SEC24A: variants seen among roughly 807,000 people sequenced by gnomAD.
The protein encoded by SEC24A is protein transport protein Sec24A.
SEC24A carries 93 observed loss-of-function variants against 129.4 expected under a neutral mutation model. That is an observed-to-expected ratio of 0.72 (90% confidence interval 0.61 to 0.85). The LOEUF is 0.85. Among genes scored for constraint, SEC24A ranks in the 40% least tolerant of loss-of-function variants. The pLI, the probability that SEC24A is intolerant of heterozygous loss-of-function variation, is 0.00. For synonymous variants in SEC24A, 460 were observed against 467.3 expected (o/e 0.98, Z 0.20); for missense variants, 1,264 against 1,307.4 (o/e 0.97, Z 0.51).
rs933380150 is a variant in SEC24A at position 134,727,613 on chromosome 5, A to G, written c.*2519A>G. On this transcript the variant is annotated 3_prime_UTR_variant, in exon 23 of 23. Coordinates refer to ENST00000398844, the MANE Select transcript of SEC24A (RefSeq NM_021982.3). ...ATGTGATTTCAAAATTTTGTTAACT[A>G]TTACAAATGTAATCCTTATATAGAA... 2 of 152,616 alleles carry G rather than the reference A, an allele frequency of 1.3e-5. No individual in the cohort carries two copies. The highest frequency in any genetic ancestry group is 6.6e-5 in the Admixed American group (1 of 15,262). 9.5% of individuals were successfully genotyped at this position (152,616 alleles called of 1,614,324 possible). A position where few individuals can be genotyped will look rare whatever the true frequency, so the allele number is the denominator to read the frequency against.
chr5:134,691,326 G>A (rs1468262180), intron 11 of SEC24A, among the ~76,000 whole-genome samples: 8 of 142,482 alleles, frequency 5.6e-5, no homozygotes, highest in Admixed American at 1.4e-4. Context: ...TGCCCACCAC[G>A]CCTGGCTACT....
intron 18 of SEC24A, among the ~76,000 whole-genome samples, chr5:134,711,323 A>G (rs2150109215): frequency 6.6e-6 from 1 of 152,172 alleles, no homozygotes; most frequent in Admixed American, 6.5e-5. Context: ...TTTTTTAATT[A>G]AAAAAGAAAC....
intron 7 of SEC24A, among the ~76,000 whole-genome samples, chr5:134,677,663 C>T (rs952524510): frequency 6.6e-6 from 1 of 151,628 alleles, no homozygotes; most frequent in Non-Finnish European, 1.5e-5. Flanking sequence ...CGTGGTGAAA[C>T]TCGTCTCTAC....
At chr5:134,656,377 G>T (rs541995400) in intron 1 of SEC24A, among the ~76,000 whole-genome samples, 1 of 151,264 alleles carries the variant, frequency 6.6e-6, no homozygotes, top group African/African-American at 2.4e-5. Context: ...CGCGCCCAGC[G>T]CAGATAAATA....
In SEC24A at chr5:134,648,999, C is replaced by T; in HGVS notation, c.-78C>T. On this transcript the variant is annotated 5_prime_UTR_variant, in exon 1 of 23. Transcript: ENST00000398844. ...TCTTAAGTCGTTAGCCTCCTCCCTC[C>T]GCTTTCAGCAGTGGTCTTTCAGCTC... 9.4e-7 allele frequency: 1 copy of T among 1,059,524 alleles called. No homozygotes were observed. The highest frequency in any genetic ancestry group is 1.4e-6 in the Non-Finnish European group (1 of 710,954). 65.6% of individuals were successfully genotyped at this position (1,059,524 alleles called of 1,614,324 possible). A position where few individuals can be genotyped will look rare whatever the true frequency, so the allele number is the denominator to read the frequency against.
chr5:134,689,982 T>C (rs1187668605), intron 11 of SEC24A, among the ~76,000 whole-genome samples: 1 of 142,358 alleles, frequency 7.0e-6, no homozygotes, highest in Admixed American at 7.1e-5. Context: ...TACCAGGGGC[T>C]GGGGGGGGAG....
intron 1 of SEC24A, among the ~76,000 whole-genome samples, chr5:134,658,608 T>C (rs544152015): frequency 3.3e-5 from 5 of 152,224 alleles, no homozygotes; most frequent in Non-Finnish European, 7.4e-5. Context: ...GGAGTCTCGC[T>C]GTGTTGCCCA....
chr5:134,676,113 CAA>C lies in SEC24A; in HGVS notation c.1244_1245del (p.Lys415ArgfsTer31). Reference sequence around the variant, plus strand: ...CTTTGGGGCTGCTGCTTCATCCTTTCAAAGACTTAGTGGTATGTTTCTTTTCT... The same window carrying C: ...CTTTGGGGCTGCTGCTTCATCCTTTCAGACTTAGTGGTATGTTTCTTTTCT... Reference protein sequence around the residue: ...LPLGLLLHPFKDLVQLPVVTS... With the variant: ...LPLGLLLHPFXDLVQLPVVTS... On this transcript the variant is annotated frameshift_variant, in exon 7 of 23. Coordinates refer to ENST00000398844, the MANE Select transcript of SEC24A (RefSeq NM_021982.3). LOFTEE classifies it high-confidence loss of function. 1 of 1,606,494 alleles carries C rather than the reference CAA, an allele frequency of 6.2e-7. No homozygotes were observed. The highest frequency in any genetic ancestry group is 8.5e-7 in the Non-Finnish European group (1 of 1,175,852).
At chr5:134,679,944 C>A (rs751137263) in intron 8 of SEC24A, among the ~76,000 whole-genome samples, 15 of 151,846 alleles carry the variant, frequency 9.9e-5, no homozygotes, top group Non-Finnish European at 4.4e-5. Flanking sequence ...GATAGTATTA[C>A]ATGGATATCC....
At chr5:134,659,047 TTTTATTTATTTATTTATTTA>T (rs142189667) in intron 1 of SEC24A, among the ~76,000 whole-genome samples, 1 of 138,766 alleles carries the variant, frequency 7.2e-6, no homozygotes, top group Admixed American at 7.5e-5. Context: ...ACCCATTTAT[TTTTATTTATTTATTTATTTA>T]TTTATTTATT....
At chr5:134,724,368 C>T (rs1752707275) in intron 22 of SEC24A, among the ~76,000 whole-genome samples, 1 of 152,106 alleles carries the variant, frequency 6.6e-6, no homozygotes. Context: ...GCGGGCAGAT[C>T]ACCTGAGGTT....
chr5:134,709,960 C>G (rs1048916718), intron 18 of SEC24A, among the ~76,000 whole-genome samples: 5 of 152,086 alleles, frequency 3.3e-5, no homozygotes, highest in Admixed American at 2.0e-4. Flanking sequence ...AGTGCAGTAG[C>G]ACGATCTTGG....
At chr5:134,676,534 C>G (rs1361109169) in intron 7 of SEC24A, among the ~76,000 whole-genome samples, 3 of 150,354 alleles carry the variant, frequency 2.0e-5, no homozygotes, top group Non-Finnish European at 4.4e-5. Context: ...ATCTCCGCCT[C>G]CCAGGTTCGG....
At chr5:134,719,321 T>G in intron 20 of SEC24A, among the ~76,000 whole-genome samples, 1 of 145,924 alleles carries the variant, frequency 6.9e-6, no homozygotes, top group South Asian at 2.2e-4. Context: ...GGCTGAGGCT[T>G]CAGTAAGCTG....
intron 11 of SEC24A, among the ~76,000 whole-genome samples, chr5:134,690,925 A>ACTGCAGTCTCTGCCTCC (rs1419707262): frequency 3.3e-5 from 5 of 150,738 alleles, no homozygotes; most frequent in African/African-American, 1.2e-4. Flanking sequence ...TCACTGGCTC[A>ACTGCAGTCTCTGCCTCC]CTGCAGTCTC....
chr5:134,691,003 A>G (rs1481694954), intron 11 of SEC24A, among the ~76,000 whole-genome samples: 1 of 151,752 alleles, frequency 6.6e-6, no homozygotes, highest in Non-Finnish European at 1.5e-5. Context: ...GGCATGTGCC[A>G]TTATGCCTAG....
At chr5:134,691,170 CT>C (rs59710898) in intron 11 of SEC24A, among the ~76,000 whole-genome samples, 13,940 of 117,756 alleles carry the variant, frequency 0.12, 851 homozygotes, top group East Asian at 0.33. Context: ...TAGTCCCATT[CT>C]TTTTTTTTTT....
Position 134,679,586 on chromosome 5 carries a change from G to GTTTT in SEC24A, c.1255-8_1255-5dup. The GTTTT allele has an allele frequency of 1.6e-6, 2 of 1,214,602 alleles. No homozygotes were observed. Among genetic ancestry groups the GTTTT allele is most frequent in the Admixed American group, 2.2e-5 (1 of 45,354 alleles). 75.2% of individuals were successfully genotyped at this position (1,214,602 alleles called of 1,614,324 possible). On this transcript the variant is annotated splice_polypyrimidine_tract_variant and intron_variant, in intron 7 of 22. Transcript: ENST00000398844. The stretch of plus-strand genomic sequence containing the variant: ...TTTTTGCCTTTAAAAATTTAATTCT[G>GTTTT]TTTTTTTTTTTCCAGCAATTGCCTG...
chr5:134,661,119 G>A lies in SEC24A; in HGVS notation c.98G>A (p.Gly33Asp). 1 of 1,591,308 alleles carries A rather than the reference G, an allele frequency of 6.3e-7. No homozygotes were observed. Among genetic ancestry groups the A allele is most frequent in the Non-Finnish European group, 8.6e-7 (1 of 1,168,334 alleles). The change falls in exon 2 of 23, where the codon GGT (glycine) becomes GAT (aspartate). Residue 33 changes from glycine (G) to aspartate (D), a missense_variant and splice_region_variant. Coordinates refer to ENST00000398844, the MANE Select transcript of SEC24A (RefSeq NM_021982.3). The part of the protein sequence containing the change: ...ALASGSPYTN[G>D]PVQNALLSSQ... ...TAATTTTTCCTCCTTTTATTGGAAG[G>A]TCCTGTCCAAAATGCATTGCTGTCT...
Sources: gnomAD v4.1 joint callset for allele counts (sites outside exome capture counted in the v4.1 genomes callset) on GRCh38, gnomAD v4.1.1 for gene constraint, MANE v1.5 for transcripts, NCBI Gene and HGNC (gene_info 2026-07-23, HGNC 2026-07-21) for gene names.